Variants in DCC observed in about 807,000 individuals in gnomAD.
DCC encodes netrin receptor DCC.
A neutral mutation model predicts 172.5 loss-of-function variants in DCC; 58 were observed. The observed-to-expected ratio is 0.34, with a 90% confidence interval of 0.27 to 0.42. DCC has a LOEUF of 0.42. DCC is among the 10% of genes least tolerant of loss of function. The probability of loss-of-function intolerance (pLI) is 1.00; values close to 1 mark genes in which losing one functional copy is unlikely to be tolerated. For synonymous variants in DCC, 709 were observed against 644.5 expected (o/e 1.10, Z -1.52); for missense variants, 1,740 against 1,791.0 (o/e 0.97, Z 0.51).
chr18:52,430,733 T>C (rs561695700), intron 1 of DCC, among the ~76,000 whole-genome samples: 1 of 152,292 alleles, frequency 6.6e-6, no homozygotes, highest in Non-Finnish European at 1.5e-5. Context: ...GAATTTCCTA[T>C]TGAAGTGAAA....
intron 5 of DCC, among the ~76,000 whole-genome samples, chr18:52,993,989 G>A (rs537338443): frequency 1.1e-4 from 17 of 152,042 alleles, no homozygotes; most frequent in Non-Finnish European, 1.9e-4. Context: ...CTTCTTATAG[G>A]TATAGCTAAG....
intron 3 of DCC, among the ~76,000 whole-genome samples, chr18:52,914,628 T>C (rs748565747): frequency 3.4e-5 from 5 of 147,302 alleles, no homozygotes; most frequent in Non-Finnish European, 6.0e-5. Flanking sequence ...TGGATTAGGC[T>C]GGTTTTTCAA....
At chr18:52,517,559 T>G (rs2031681567) in intron 1 of DCC, among the ~76,000 whole-genome samples, 1 of 152,236 alleles carries the variant, frequency 6.6e-6, no homozygotes, top group African/African-American at 2.4e-5. Context: ...TAGCAACTCC[T>G]TAGGTCCAAT....
intron 2 of DCC, among the ~76,000 whole-genome samples, chr18:52,774,330 G>C (rs2037391280): frequency 6.6e-6 from 1 of 152,164 alleles, no homozygotes; most frequent in East Asian, 1.9e-4. Context: ...AGTTGATGTG[G>C]CCGGCTGAAT....
chr18:52,648,467 T>G (rs1036690677), intron 1 of DCC, among the ~76,000 whole-genome samples: 1 of 152,176 alleles, frequency 6.6e-6, no homozygotes, highest in African/African-American at 2.4e-5. Flanking sequence ...CGTAACTATG[T>G]GTGGAAGCAG....
intron 17 of DCC, among the ~76,000 whole-genome samples, chr18:53,393,395 T>C (rs1392577127): frequency 6.6e-6 from 1 of 152,228 alleles, no homozygotes; most frequent in Non-Finnish European, 1.5e-5. Flanking sequence ...CAAGTCTAAA[T>C]AGTATCATTG....
chr18:53,530,803 A>G lies in DCC; in HGVS notation c.*150A>G, dbSNP rs1028637064. On this transcript the variant is annotated 3_prime_UTR_variant, in exon 29 of 29. Coordinates refer to ENST00000442544, the MANE Select transcript of DCC (RefSeq NM_005215.4). ...GTTAAGGAAGATCCTGAAGCAGTTC[A>G]GAAGGAATAAGCATTCCTTCTTTCA... 1.4e-6 allele frequency: 1 copy of G among 702,928 alleles called. No individual in the cohort carries two copies. Among genetic ancestry groups the G allele is most frequent in the African/African-American group, 1.8e-5 (1 of 57,098 alleles). The allele number at this position is 702,928 out of a possible 1,614,324, so 43.5% of individuals were successfully genotyped here.
rs34974743 is a variant in DCC at position 52,894,396 on chromosome 18, T to TACAC, written c.413-11628_413-11625dup. ...CTGGATTCCCCAGAAACAGGACACA[T>TACAC]ACACACACACACACACACACACATG... On this transcript the variant is annotated intron_variant, in intron 2 of 28. Coordinates refer to ENST00000442544, the MANE Select transcript of DCC (RefSeq NM_005215.4). 1.2e-3 allele frequency among the ~76,000 whole-genome samples: 180 copies of TACAC among 148,876 alleles called. 1 individual carries two copies. Among genetic ancestry groups the TACAC allele is most frequent in the Non-Finnish European group, 2.1e-3 (142 of 67,190 alleles).
intron 21 of DCC, among the ~76,000 whole-genome samples, chr18:53,419,439 G>GC (rs1390972386): frequency 6.7e-6 from 1 of 149,258 alleles, no homozygotes; most frequent in Non-Finnish European, 1.5e-5. Flanking sequence ...CCTCTCCCCA[G>GC]CCCCCCACTA....
At chr18:52,537,939 A>G (rs2032334339) in intron 1 of DCC, among the ~76,000 whole-genome samples, 3 of 152,128 alleles carry the variant, frequency 2.0e-5, no homozygotes. Flanking sequence ...CTGCAGGATT[A>G]ATTTTTCTTG....
Position 53,305,501 on chromosome 18 carries a change from G to T in DCC, c.1912-77G>T, listed in dbSNP as rs113892204. Reference sequence around the variant, plus strand: ...GCTTCTCTGCTTTCTTCACACTTACGTTTGGGTTACTTCTTTGACCCTGTC... The same window carrying T: ...GCTTCTCTGCTTTCTTCACACTTACTTTTGGGTTACTTCTTTGACCCTGTC... On this transcript the variant is annotated intron_variant, in intron 12 of 28. Coordinates refer to ENST00000442544, the MANE Select transcript of DCC (RefSeq NM_005215.4). 5,420 of 1,227,598 alleles carry T rather than the reference G, an allele frequency of 4.4e-3. 39 individuals carry two copies. The highest frequency in any genetic ancestry group is 3.7e-3 in the Non-Finnish European group (3,117 of 831,488). The allele number at this position is 1,227,598 out of a possible 1,614,324, so 76.0% of individuals were successfully genotyped here.
intron 19 of DCC, 111 bp from the exon 20 acceptor site, chr18:53,410,341 T>C: frequency 2.6e-6 from 2 of 755,348 alleles, no homozygotes; most frequent in East Asian, 2.5e-5. Flanking sequence ...AGTTTACAGA[T>C]TGTGGACATA....
chr18:53,119,467 A>G (rs1473498058), intron 7 of DCC, among the ~76,000 whole-genome samples: 1 of 151,758 alleles, frequency 6.6e-6, no homozygotes, highest in Non-Finnish European at 1.5e-5. Context: ...ACTTAGGAAA[A>G]CTAGAGACTG....
At chr18:53,069,928 G>C (rs1440740039) in intron 7 of DCC, among the ~76,000 whole-genome samples, 1 of 151,606 alleles carries the variant, frequency 6.6e-6, no homozygotes, top group Admixed American at 6.6e-5. Context: ...GGTTGGGGGG[G>C]GTTGTTATTG....
At chr18:52,972,727 G>C (rs1029646872) in intron 5 of DCC, among the ~76,000 whole-genome samples, 1 of 152,118 alleles carries the variant, frequency 6.6e-6, no homozygotes, top group Non-Finnish European at 1.5e-5. Flanking sequence ...CTCATTTGAG[G>C]GAACATGGTA....
intron 1 of DCC, among the ~76,000 whole-genome samples, chr18:52,714,954 T>C (rs1042576672): frequency 2.0e-5 from 3 of 152,176 alleles, no homozygotes; most frequent in Admixed American, 1.3e-4. Context: ...ATGTATCTTA[T>C]CCACATTGAA....
intron 15 of DCC, among the ~76,000 whole-genome samples, chr18:53,369,727 C>T (rs553883700): frequency 1.2e-4 from 18 of 151,774 alleles, no homozygotes; most frequent in African/African-American, 2.9e-4. Context: ...CAATTGATGA[C>T]GTGGTGGTTT....
intron 1 of DCC, among the ~76,000 whole-genome samples, chr18:52,651,456 T>C (rs1456793144): frequency 1.3e-5 from 2 of 150,868 alleles, no homozygotes; most frequent in African/African-American, 4.9e-5. Context: ...GTGCTGGAAT[T>C]ATAGATCTGA....
intron 8 of DCC, among the ~76,000 whole-genome samples, chr18:53,172,656 G>T (rs1379098594): frequency 6.6e-6 from 1 of 152,034 alleles, no homozygotes; most frequent in East Asian, 1.9e-4. Flanking sequence ...TGATAACAAT[G>T]TTGCTTGAAG....
Sources: allele counts gnomAD v4.1 joint callset (sites outside exome capture counted in the v4.1 genomes callset), GRCh38; gene constraint gnomAD v4.1.1; transcripts MANE v1.5; gene names NCBI Gene and HGNC (gene_info 2026-07-23, HGNC 2026-07-21).